The following VPS36 variants were observed in gnomAD, a reference collection of about 807,000 sequenced individuals.
VPS36 encodes vacuolar protein sorting 36 homolog, also known as vacuolar protein-sorting-associated protein 36.
Under a neutral mutation model 63.5 loss-of-function variants are expected in VPS36, and 31 were observed. That is an observed-to-expected ratio of 0.49 (90% CI 0.37 to 0.66). VPS36 has a LOEUF of 0.66. VPS36 is among the 30% of genes least tolerant of loss of function. VPS36 has a pLI of 0.00. For missense variants in VPS36, 338 were observed against 463.7 expected, an observed-to-expected ratio of 0.73 and a Z score of 2.49; for synonymous variants, 138 against 157.2, an observed-to-expected ratio of 0.88 and a Z score of 0.91.
intron 6 of VPS36, among the ~76,000 whole-genome samples, chr13:52,427,561 C>T (rs903207908): frequency 4.0e-5 from 6 of 151,586 alleles, no homozygotes; most frequent in African/African-American, 7.3e-5. Context: ...GAGCCGAGAT[C>T]GCGCCACTGC....
intron 6 of VPS36, chr13:52,429,413 G>T: frequency 1.9e-6 from 1 of 515,296 alleles, no homozygotes; most frequent in Non-Finnish European, 2.5e-6. Flanking sequence ...TATTCCTGCT[G>T]CTAGCAAGCC....
In VPS36 at chr13:52,434,235, A is replaced by C. The variant is rs116692513; in HGVS notation, c.442-487T>G. Among the ~76,000 whole-genome samples, 1,124 of 152,386 alleles carry C rather than the reference A, an allele frequency of 7.4e-3. 6 individuals are homozygous for C. Among genetic ancestry groups the C allele is most frequent in the African/African-American group, 0.017 (701 of 41,596 alleles). ...CTCTCAAATGTCACACTGATTATGA[A>C]GAACAGAATGCAGTGAGTGAACCCT... On this transcript the variant is annotated intron_variant, in intron 5 of 13. Transcript: ENST00000378060.
In VPS36 at chr13:52,439,187, C is replaced by T. The variant is rs1269692704; in HGVS notation, c.166-19G>A. ...AACACTCCTAGGAGGAAATCAATAG[C>T]TTAAATGAAAGACTCTAAACAACAT... is the stretch of plus-strand genomic sequence containing the variant. On this transcript the variant is annotated intron_variant, in intron 2 of 13. Transcript: ENST00000378060. 1 of 1,610,472 alleles carries T rather than the reference C, an allele frequency of 6.2e-7. No individual in the cohort carries two copies. The highest frequency in any genetic ancestry group is 8.5e-7 in the Non-Finnish European group (1 of 1,177,870).
chr13:52,449,718 G>A (rs9536075), intron 1 of VPS36, among the ~76,000 whole-genome samples: 8,507 of 152,232 alleles, frequency 0.056, 260 homozygotes, highest in South Asian at 0.084. Context: ...CATAGTTTCA[G>A]TAAAGTATCT....
intron 1 of VPS36, among the ~76,000 whole-genome samples, chr13:52,448,064 T>G (rs1958363075): frequency 6.6e-6 from 1 of 152,200 alleles, no homozygotes; most frequent in Non-Finnish European, 1.5e-5. Context: ...TTAAAAAAAA[T>G]GTGTTTCACA....
intron 6 of VPS36, among the ~76,000 whole-genome samples, chr13:52,432,845 T>C (rs1430850889): frequency 6.6e-6 from 1 of 152,242 alleles, no homozygotes; most frequent in African/African-American, 2.4e-5. Flanking sequence ...CAGTAATCTA[T>C]ATTTTCAATT....
At chr13:52,417,235 A>T in intron 11 of VPS36, 94 bp from the exon 12 acceptor site, 6 of 1,010,378 alleles carry the variant, frequency 5.9e-6, no homozygotes, top group African/African-American at 1.6e-5. Context: ...TTTTATGCCC[A>T]GATATGAGGG....
intron 10 of VPS36, 94 bp from the exon 11 acceptor site, chr13:52,418,150 T>C: frequency 8.6e-7 from 1 of 1,168,196 alleles, no homozygotes; most frequent in Non-Finnish European, 1.2e-6. Flanking sequence ...TCAATAATTT[T>C]AGGTGATTTA....
chr13:52,448,896 G>C (rs918192746), intron 1 of VPS36, among the ~76,000 whole-genome samples: 3 of 152,138 alleles, frequency 2.0e-5, no homozygotes, highest in Non-Finnish European at 1.5e-5. Context: ...CTCTCAAAGG[G>C]GAGGCAAAAT....
intron 9 of VPS36, 135 bp downstream of exon 9, chr13:52,425,797 T>C (rs1049165937): frequency 1.4e-5 from 12 of 887,946 alleles, no homozygotes; most frequent in African/African-American, 6.9e-5. Context: ...TTATTTAATA[T>C]ACCTGAAAGA....
At chr13:52,418,573 C>CAAAAAAAA (rs1201650906) in intron 10 of VPS36, among the ~76,000 whole-genome samples, 69 of 30,954 alleles carry the variant, frequency 2.2e-3, no homozygotes, top group East Asian at 3.0e-3. Flanking sequence ...GACTCCATCT[C>CAAAAAAAA]AAAAAAAAAA....
chr13:52,416,143 A>C, intron 12 of VPS36, 50 bp from the exon 13 acceptor site: 1 of 1,566,092 alleles, frequency 6.4e-7, no homozygotes, highest in South Asian at 1.1e-5. Flanking sequence ...TAGGACACTA[A>C]TTTAAACACA....
intron 1 of VPS36, among the ~76,000 whole-genome samples, chr13:52,448,449 A>G (rs1448498322): frequency 6.6e-6 from 1 of 152,166 alleles, no homozygotes; most frequent in Non-Finnish European, 1.5e-5. Context: ...GCAAGTCACT[A>G]AGTCCAGCTT....
At chr13:52,441,675 C>A (rs1958278092) in intron 2 of VPS36, among the ~76,000 whole-genome samples, 1 of 152,050 alleles carries the variant, frequency 6.6e-6, no homozygotes, top group Non-Finnish European at 1.5e-5. Context: ...TCACTTGAAC[C>A]TGGGAGGCGG....
At chr13:52,418,084 C>A in intron 10 of VPS36, 28 bp from the exon 11 acceptor site, 1 of 1,579,530 alleles carries the variant, frequency 6.3e-7, no homozygotes, top group Non-Finnish European at 8.7e-7. Context: ...TCCAGTAATG[C>A]TATACAATGG....
intron 6 of VPS36, among the ~76,000 whole-genome samples, chr13:52,428,834 A>G (rs1017726135): frequency 3.3e-5 from 5 of 152,134 alleles, no homozygotes; most frequent in Admixed American, 6.5e-5. Flanking sequence ...CTGTAGAAAA[A>G]ATAAGCTGAG....
At position 52,450,421 on chromosome 13, in the gene VPS36, G is replaced by A. The variant is rs866697277; in HGVS notation, c.96+78C>T. 22 of 1,450,570 alleles carry A rather than the reference G, an allele frequency of 1.5e-5. 1 individual carries two copies. The Middle Eastern group carries it at 2.5e-3, about 165-fold the overall frequency. 89.9% of individuals were successfully genotyped at this position (1,450,570 alleles called of 1,614,324 possible). On this transcript the variant is annotated intron_variant, in intron 1 of 13. Coordinates refer to ENST00000378060, the MANE Select transcript of VPS36 (RefSeq NM_016075.4). ...GCCGGGGACCGGGCCGCGCCGACCC[G>A]GGCCGCGCTGAGCCGGGCCGCGCGC...
At position 52,420,110 on chromosome 13, in the gene VPS36, C is replaced by T. The variant is rs115996987; in HGVS notation, c.841-2054G>A. 7.4e-3 allele frequency among the ~76,000 whole-genome samples: 1,120 copies of T among 151,422 alleles called. 6 individuals are homozygous for T. The highest frequency in any genetic ancestry group is 0.017 in the African/African-American group (699 of 41,356). On this transcript the variant is annotated intron_variant, in intron 10 of 13. Transcript: ENST00000378060. ...ACAAAAATTAGCCAGGCGTGGTAGC[C>T]GTCGCCTGTAATTCCCAGTTACTTG...
In VPS36 at chr13:52,429,513, G is replaced by GAGAAC. The variant is rs151272301; in HGVS notation, c.529-2295_529-2294insGTTCT. On this transcript the variant is annotated intron_variant, in intron 6 of 13. Transcript: ENST00000378060. The stretch of plus-strand genomic sequence containing the variant: ...CTTGCAAGGTGTTTCTCCCACCGTG[G>GAGAAC]ATAATGCCTCTTTGCCTGCCTGTGT... 7.3e-3 allele frequency: 1,124 copies of GAGAAC among 153,598 alleles called. 4 individuals are homozygous for GAGAAC. Among genetic ancestry groups the GAGAAC allele is most frequent in the African/African-American group, 0.017 (697 of 41,524 alleles). The allele number at this position is 153,598 out of a possible 1,614,324, so 9.5% of individuals were successfully genotyped here.
Sources: gnomAD v4.1 joint callset for allele counts (sites outside exome capture counted in the v4.1 genomes callset) on GRCh38, gnomAD v4.1.1 for gene constraint, MANE v1.5 for transcripts, NCBI Gene and HGNC (gene_info 2026-07-23, HGNC 2026-07-21) for gene names.